Variants in GPATCH8 observed in about 807,000 individuals in gnomAD.
The protein encoded by GPATCH8 is G patch domain-containing protein 8.
Under a neutral mutation model 118.3 loss-of-function variants are expected in GPATCH8, and 18 were observed. That is an observed-to-expected ratio of 0.15 (90% CI 0.11 to 0.23). GPATCH8 has a LOEUF of 0.23. Ranked by LOEUF, GPATCH8 falls within the 10% of genes least tolerant of loss-of-function variation. GPATCH8 has a pLI of 1.00. For missense variants in GPATCH8, 1,631 were observed against 1,873.8 expected (o/e 0.87, Z 2.39); for synonymous variants, 659 against 684.7 (o/e 0.96, Z 0.59).
chr17:44,397,936 G>C lies in GPATCH8; in HGVS notation c.4141C>G (p.Gln1381Glu). 1.9e-6 allele frequency: 3 copies of C among 1,613,294 alleles called. No individual in the cohort carries two copies. The highest frequency in any genetic ancestry group is 2.5e-6 in the Non-Finnish European group (3 of 1,179,232). ...SITTVQHAIL[Q>E]HHAAAAAAAI... The stretch of plus-strand genomic sequence containing the variant: ...GCAGCAGCTGCGGCAGCATGATGTT[G>C]TAGGATGGCATGCTGAACAGTTGTG... Residue 1381 changes from glutamine to glutamate, a missense_variant, in exon 8 of 8, where the codon CAA becomes GAA. Physicochemically the swap from Gln to Glu is conservative, Grantham distance 29. Coordinates refer to ENST00000591680, the MANE Select transcript of GPATCH8 (RefSeq NM_001002909.4).
At chr17:44,413,388 A>G (rs1196372891) in intron 6 of GPATCH8, among the ~76,000 whole-genome samples, 1 of 151,914 alleles carries the variant, frequency 6.6e-6, no homozygotes, top group African/African-American at 2.4e-5. Context: ...CTTGTGCTTC[A>G]GCCTCCCACG....
At chr17:44,435,987 C>T (rs146144655) in intron 4 of GPATCH8, among the ~76,000 whole-genome samples, 310 of 142,358 alleles carry the variant, frequency 2.2e-3, no homozygotes, top group African/African-American at 7.6e-3. Flanking sequence ...CGAGACTGCG[C>T]CATTGCACTC....
intron 3 of GPATCH8, among the ~76,000 whole-genome samples, chr17:44,450,859 A>G (rs2051087787): frequency 6.6e-6 from 1 of 152,308 alleles, no homozygotes; most frequent in South Asian, 2.1e-4. Context: ...GCACAGATAG[A>G]AAATAGTTGG....
chr17:44,455,624 A>C (rs191280527), intron 3 of GPATCH8, among the ~76,000 whole-genome samples: 1 of 152,300 alleles, frequency 6.6e-6, no homozygotes, highest in Admixed American at 6.5e-5. Flanking sequence ...ATTAAGCATT[A>C]TTTCCTTTTT....
At chr17:44,473,809 C>T (rs1967502504) in intron 2 of GPATCH8, 1 of 152,208 alleles carries the variant, frequency 6.6e-6, no homozygotes, top group Non-Finnish European at 1.5e-5. Flanking sequence ...TTTCTGTAAA[C>T]ATCTAAACAC....
At chr17:44,459,404 TAAG>T (rs1352989005) in intron 3 of GPATCH8, among the ~76,000 whole-genome samples, 1 of 152,212 alleles carries the variant, frequency 6.6e-6, no homozygotes, top group African/African-American at 2.4e-5. Context: ...AACTACTCTT[TAAG>T]AAGACAGGCA....
chr17:44,471,458 C>G (rs1967270849), intron 2 of GPATCH8, among the ~76,000 whole-genome samples: 1 of 152,140 alleles, frequency 6.6e-6, no homozygotes, highest in African/African-American at 2.4e-5. Context: ...CAAACCTGTG[C>G]AGAGACCTCC....
intron 3 of GPATCH8, among the ~76,000 whole-genome samples, chr17:44,442,349 T>C (rs1239000335): frequency 1.3e-5 from 2 of 152,044 alleles, no homozygotes; most frequent in Non-Finnish European, 2.9e-5. Flanking sequence ...AGCTAATGCA[T>C]AAGCAGTTAA....
rs187842480 is a variant in GPATCH8 at position 44,470,604 on chromosome 17, C to T, written c.120+4225G>A. Among the ~76,000 whole-genome samples the T allele has an allele frequency of 5.3e-5, 8 of 151,912 alleles. No individual in the cohort carries two copies. In the East Asian group the frequency reaches 1.6e-3, roughly 29 times the overall value. On this transcript the variant is annotated intron_variant, in intron 2 of 7. Coordinates refer to ENST00000591680, the MANE Select transcript of GPATCH8 (RefSeq NM_001002909.4). ...CTCTGCCTCCCAGGTTCAAGCAATC[C>T]TCCTGCCTCAGCCTCCTGAGTAGCT... is the stretch of plus-strand genomic sequence containing the variant.
intron 1 of GPATCH8, among the ~76,000 whole-genome samples, chr17:44,487,884 G>A (rs1968904516): frequency 6.8e-6 from 1 of 146,720 alleles, no homozygotes. Context: ...AGTTGATGGT[G>A]TTTATGTTTT....
chr17:44,420,608 T>G (rs962952746), intron 6 of GPATCH8, among the ~76,000 whole-genome samples: 1 of 151,978 alleles, frequency 6.6e-6, no homozygotes, highest in Non-Finnish European at 1.5e-5. Flanking sequence ...GCAAATGCAA[T>G]AGAGAAAAGT....
chr17:44,445,599 A>G (rs2050850161), intron 3 of GPATCH8, among the ~76,000 whole-genome samples: 1 of 151,426 alleles, frequency 6.6e-6, no homozygotes, highest in Admixed American at 6.6e-5. Flanking sequence ...TTCACTTCCT[A>G]GGTTCAAGCG....
At chr17:44,438,676 C>T (rs906070105) in intron 3 of GPATCH8, 3 of 152,410 alleles carry the variant, frequency 2.0e-5, no homozygotes, top group African/African-American at 7.3e-5. Context: ...ATTACCACTG[C>T]TAAGATTACC....
At chr17:44,461,706 G>C (rs1055363590) in intron 3 of GPATCH8, among the ~76,000 whole-genome samples, 1 of 150,682 alleles carries the variant, frequency 6.6e-6, no homozygotes, top group Non-Finnish European at 1.5e-5. Flanking sequence ...TTTTTCGTGT[G>C]TGTGTGAGAC....
chr17:44,470,289 T>C (rs1429315482), intron 2 of GPATCH8, among the ~76,000 whole-genome samples: 2 of 151,930 alleles, frequency 1.3e-5, no homozygotes, highest in Non-Finnish European at 2.9e-5. Context: ...TGGCACGATC[T>C]TGGGTTCAAG....
intron 1 of GPATCH8, among the ~76,000 whole-genome samples, chr17:44,501,923 T>C (rs1970095715): frequency 6.6e-6 from 1 of 152,012 alleles, no homozygotes; most frequent in Non-Finnish European, 1.5e-5. Context: ...CTTGCTAATA[T>C]ATATATATGT....
At position 44,400,701 on chromosome 17, in the gene GPATCH8, C is replaced by T. The variant is rs773393702; in HGVS notation, c.1376G>A (p.Ser459Asn). Residue 459 changes from serine to asparagine, a missense_variant, in exon 8 of 8, where the codon AGT becomes AAT. Ser to Asn is a conservative substitution (Grantham distance 46). This residue lies in a region of GPATCH8 where 405 missense variants were observed against 462.7 expected (regional missense o/e 0.88). Transcript: ENST00000591680. ...AASQGAEKTV[S>N]EVSEQPKETS... is the part of the protein sequence containing the mutation. ...TTCCTTCGGCTGCTCAGAGACTTCACTAACTGTCTTTTCTGCTCCTTGGCT... is the reference window on the plus strand; with the variant it reads ...TTCCTTCGGCTGCTCAGAGACTTCATTAACTGTCTTTTCTGCTCCTTGGCT... The T allele has an allele frequency of 1.2e-5, 20 of 1,611,154 alleles. No individual in the cohort carries two copies. In the East Asian group the frequency reaches 3.3e-4, roughly 27 times the overall value.
At chr17:44,449,448 C>A (rs146710075) in intron 3 of GPATCH8, among the ~76,000 whole-genome samples, 5 of 151,978 alleles carry the variant, frequency 3.3e-5, no homozygotes, top group Non-Finnish European at 2.9e-5. Flanking sequence ...AGCCATCCTC[C>A]CACCTCAGCC....
intron 1 of GPATCH8, among the ~76,000 whole-genome samples, chr17:44,493,176 C>T (rs1969409062): frequency 6.6e-6 from 1 of 151,734 alleles, no homozygotes; most frequent in South Asian, 2.1e-4. Context: ...CCTCAGCAGC[C>T]TCCCCTCCGC....
Sources: gnomAD v4.1 joint callset for allele counts (sites outside exome capture counted in the v4.1 genomes callset) on GRCh38, gnomAD v4.1.1 for gene constraint, gnomAD v4.1.1 regional missense constraint, MANE v1.5 for transcripts, NCBI Gene and HGNC (gene_info 2026-07-23, HGNC 2026-07-21) for gene names.